Variants in KIF6 observed in about 807,000 individuals in gnomAD.
KIF6 encodes the protein kinesin family member 6, also known as kinesin-like protein KIF6.
KIF6 carries 106 observed loss-of-function variants against 112.7 expected under a neutral mutation model. The ratio of observed to expected loss-of-function variants is 0.94; its 90% CI spans 0.80 to 1.11. KIF6 has a LOEUF of 1.11. Among genes scored for constraint, KIF6 ranks in the 50% least tolerant of loss-of-function variants. The pLI, the probability that KIF6 is intolerant of heterozygous loss-of-function variation, is 0.00. For synonymous variants in KIF6, 339 were observed against 339.9 expected, an observed-to-expected ratio of 1.00 and a Z score of 0.03; for missense variants, 929 against 964.0, an observed-to-expected ratio of 0.96 and a Z score of 0.48.
chr6:39,471,655 C>T (rs1010781898), intron 13 of KIF6, among the ~76,000 whole-genome samples: 2 of 152,304 alleles, frequency 1.3e-5, no homozygotes, highest in African/African-American at 2.4e-5. Context: ...TCTGCCAGCA[C>T]ATCTGAGGAC....
chr6:39,705,796 A>T (rs1789173976), intron 3 of KIF6, among the ~76,000 whole-genome samples: 1 of 152,214 alleles, frequency 6.6e-6, no homozygotes, highest in African/African-American at 2.4e-5. Context: ...AGTAGAAATA[A>T]GTCCCAGTTG....
intron 2 of KIF6, among the ~76,000 whole-genome samples, chr6:39,716,892 G>A (rs1789884049): frequency 6.6e-6 from 1 of 152,048 alleles, no homozygotes; most frequent in Non-Finnish European, 1.5e-5. Context: ...AAACCATTAG[G>A]ATCTGCTTGA....
At chr6:39,454,645 G>T (rs530025161) in intron 13 of KIF6, among the ~76,000 whole-genome samples, 1 of 152,088 alleles carries the variant, frequency 6.6e-6, no homozygotes, top group Non-Finnish European at 1.5e-5. Context: ...GACAGTGGGC[G>T]CAGGCCAGTG....
At chr6:39,696,831 A>G (rs1326873780) in intron 3 of KIF6, among the ~76,000 whole-genome samples, 2 of 152,050 alleles carry the variant, frequency 1.3e-5, no homozygotes, top group Non-Finnish European at 2.9e-5. Context: ...GAAACATAGT[A>G]GGAACCTCAT....
At chr6:39,600,663 C>T (rs1782520594) in intron 6 of KIF6, among the ~76,000 whole-genome samples, 1 of 152,102 alleles carries the variant, frequency 6.6e-6, no homozygotes, top group South Asian at 2.1e-4. Flanking sequence ...CTTTACTCTG[C>T]TCTCTTCTTT....
chr6:39,715,287 T>C (rs1789769641), intron 2 of KIF6, among the ~76,000 whole-genome samples: 1 of 152,152 alleles, frequency 6.6e-6, no homozygotes, highest in African/African-American at 2.4e-5. Flanking sequence ...ATTCTCAGGA[T>C]GGTTTTGTTT....
At chr6:39,508,457 C>G (rs1776568458) in intron 13 of KIF6, among the ~76,000 whole-genome samples, 1 of 152,144 alleles carries the variant, frequency 6.6e-6, no homozygotes, top group African/African-American at 2.4e-5. Context: ...CCTTTCCTAG[C>G]CAAGGAAAGC....
rs201592417 is a variant in KIF6 at position 39,357,340 on chromosome 6, G to C, written c.2117C>G (p.Thr706Arg). ...NSPAVNSLDH[T>R]KPFLQTSDSQ... ...GTCAGATGTCTGGAGAAATGGCTTC[G>C]TGTGATCGAGTGAATTCACTGCTGG... The change falls in exon 19 of 23, where the codon ACG (threonine) becomes AGG (arginine). Residue 706 changes from threonine to arginine, a missense_variant. Thr to Arg is a moderately conservative substitution (Grantham distance 71, BLOSUM62 -1). Coordinates refer to ENST00000287152, the MANE Select transcript of KIF6 (RefSeq NM_145027.6). The C allele has an allele frequency of 2.7e-5, 43 of 1,613,886 alleles. No homozygotes were observed. The African/African-American group carries it at 3.3e-4, about 13-fold the overall frequency.
At chr6:39,337,493 AC>A (rs1417531174) in intron 22 of KIF6, among the ~76,000 whole-genome samples, 1 of 151,712 alleles carries the variant, frequency 6.6e-6, no homozygotes. Flanking sequence ...TTGTATTTTT[AC>A]TAGAGATGGG....
chr6:39,337,765 G>T (rs1427733050), intron 22 of KIF6, among the ~76,000 whole-genome samples: 1 of 152,210 alleles, frequency 6.6e-6, no homozygotes, highest in Non-Finnish European at 1.5e-5. Flanking sequence ...GGGTTCTCTG[G>T]ATTGAGAACC....
Position 39,596,126 on chromosome 6 carries a change from T to G in KIF6, c.774A>C (p.Ala258=). The stretch of plus-strand genomic sequence containing the variant: ...GAAGATGGCCCCCTACTCCAGTCTT[T>G]GCAACTCGCTCTGAACCAGCCAGGT... ...LVDLAGSERV[A]KTGVGGHLLT... The change falls in exon 7 of 23, where the codon GCA becomes GCC. Residue 258 remains alanine, a synonymous_variant. Transcript: ENST00000287152. 1 of 1,614,048 alleles carries G rather than the reference T, an allele frequency of 6.2e-7. No homozygotes were observed. Among genetic ancestry groups the G allele is most frequent in the Non-Finnish European group, 8.5e-7 (1 of 1,179,982 alleles).
chr6:39,526,946 A>G (rs1777773578), intron 13 of KIF6, among the ~76,000 whole-genome samples: 1 of 152,234 alleles, frequency 6.6e-6, no homozygotes, highest in Admixed American at 6.5e-5. Context: ...CAAGCTGGAA[A>G]GAACCTTAGA....
intron 9 of KIF6, among the ~76,000 whole-genome samples, chr6:39,581,978 C>G (rs1186765377): frequency 6.6e-6 from 1 of 152,174 alleles, no homozygotes; most frequent in South Asian, 2.1e-4. Context: ...GAACATGTCA[C>G]TGTTCCTAGA....
At chr6:39,393,090 C>T (rs1173802107) in intron 15 of KIF6, among the ~76,000 whole-genome samples, 1 of 152,220 alleles carries the variant, frequency 6.6e-6, no homozygotes, top group Non-Finnish European at 1.5e-5. Flanking sequence ...GTGACAACCA[C>T]AGGTGCCGGG....
intron 10 of KIF6, among the ~76,000 whole-genome samples, chr6:39,573,610 G>A (rs191388083): frequency 5.5e-4 from 84 of 152,266 alleles, no homozygotes; most frequent in Non-Finnish European, 9.0e-4. Context: ...CTGCTAGTCA[G>A]AAATCACTAA....
chr6:39,451,495 A>G (rs1772699601), intron 13 of KIF6, among the ~76,000 whole-genome samples: 2 of 152,164 alleles, frequency 1.3e-5, no homozygotes, highest in African/African-American at 2.4e-5. Context: ...GTTCTAGAGG[A>G]AAGAACTGTT....
At chr6:39,396,975 T>G (rs904597216) in intron 15 of KIF6, among the ~76,000 whole-genome samples, 12 of 152,158 alleles carry the variant, frequency 7.9e-5, no homozygotes, top group African/African-American at 2.9e-4. Context: ...AGGCCTAAAT[T>G]AACAAGTTAT....
chr6:39,535,523 T>C (rs1368388555), intron 13 of KIF6, among the ~76,000 whole-genome samples: 3 of 152,200 alleles, frequency 2.0e-5, no homozygotes, highest in African/African-American at 7.2e-5. Context: ...CTATCCTAAA[T>C]ATATATGCAA....
At chr6:39,428,664 G>A (rs137939973) in intron 14 of KIF6, among the ~76,000 whole-genome samples, 73 of 152,264 alleles carry the variant, frequency 4.8e-4, no homozygotes, top group Middle Eastern at 6.8e-3. Context: ...GTATACCAGG[G>A]ACTCATAAAG....
Sources: allele counts gnomAD v4.1 joint callset (sites outside exome capture counted in the v4.1 genomes callset), GRCh38; gene constraint gnomAD v4.1.1; transcripts MANE v1.5; gene names NCBI Gene and HGNC (gene_info 2026-07-23, HGNC 2026-07-21).